Variants in KCNMA1 observed in about 807,000 individuals in gnomAD.
KCNMA1 encodes potassium calcium-activated channel subfamily M alpha 1.
A neutral mutation model predicts 140.0 loss-of-function variants in KCNMA1; 29 were observed. That is an observed-to-expected ratio of 0.21 (90% confidence interval 0.15 to 0.28). The LOEUF (loss-of-function observed/expected upper bound fraction) is 0.28. KCNMA1 is among the 10% of genes least tolerant of loss of function. The probability of loss-of-function intolerance (pLI) is 1.00; values close to 1 mark genes in which losing one functional copy is unlikely to be tolerated. For synonymous variants in KCNMA1, 612 were observed against 611.9 expected (o/e 1.00, Z 0.00); for missense variants, 880 against 1,602.2 (o/e 0.55, Z 7.70).
intron 2 of KCNMA1, among the ~76,000 whole-genome samples, chr10:77,275,175 T>C (rs1365921660): frequency 2.6e-5 from 4 of 152,190 alleles, no homozygotes; most frequent in Admixed American, 6.5e-5. Flanking sequence ...AGAGAGCCTA[T>C]ACCAACTGAA....
chr10:77,134,997 C>CAAAA (rs71028253), intron 5 of KCNMA1, among the ~76,000 whole-genome samples: 118 of 11,764 alleles, frequency 0.01, 35 homozygotes, highest in Non-Finnish European at 0.015. Flanking sequence ...GACTCTGTCT[C>CAAAA]AAAAAAAAAA....
At chr10:77,591,316 T>C (rs1238718661) in intron 1 of KCNMA1, among the ~76,000 whole-genome samples, 2 of 152,176 alleles carry the variant, frequency 1.3e-5, no homozygotes, top group Non-Finnish European at 2.9e-5. Context: ...CAGCTGTGTA[T>C]AGATTCAAGC....
At chr10:77,594,472 C>T (rs928611147) in intron 1 of KCNMA1, among the ~76,000 whole-genome samples, 4 of 152,160 alleles carry the variant, frequency 2.6e-5, no homozygotes, top group African/African-American at 4.8e-5. Flanking sequence ...GTTCAAACCC[C>T]GTCTCCCTAC....
chr10:77,544,357 C>A (rs2060921064), intron 1 of KCNMA1, among the ~76,000 whole-genome samples: 1 of 152,104 alleles, frequency 6.6e-6, no homozygotes, highest in Admixed American at 6.6e-5. Context: ...AGGGTCACAG[C>A]TAAACTTGAA....
At chr10:76,889,624 A>C in intron 26 of KCNMA1, 55 bp from the exon 27 acceptor site, 3 of 1,385,304 alleles carry the variant, frequency 2.2e-6, no homozygotes, top group Non-Finnish European at 3.1e-6. Context: ...CCTGAAAATC[A>C]AGGGACAGCA....
At chr10:77,366,618 CTGA>C (rs747155500) in intron 2 of KCNMA1, among the ~76,000 whole-genome samples, 40 of 152,250 alleles carry the variant, frequency 2.6e-4, no homozygotes, top group Non-Finnish European at 4.9e-4. Context: ...AGCAATGTTG[CTGA>C]TGTTCCATAG....
chr10:77,126,771 A>G (rs2097751216), intron 5 of KCNMA1, among the ~76,000 whole-genome samples: 1 of 134,676 alleles, frequency 7.4e-6, no homozygotes, highest in Non-Finnish European at 1.6e-5. Flanking sequence ...TGTAGGGACA[A>G]AGGTCAGCTG....
intron 1 of KCNMA1, among the ~76,000 whole-genome samples, chr10:77,445,977 A>G (rs1435864776): frequency 6.6e-6 from 1 of 152,208 alleles, no homozygotes; most frequent in African/African-American, 2.4e-5. Context: ...AGAGAGATAA[A>G]CACAAGAGGC....
chr10:77,191,553 G>A (rs1751415482), intron 3 of KCNMA1, among the ~76,000 whole-genome samples: 1 of 152,094 alleles, frequency 6.6e-6, no homozygotes, highest in Non-Finnish European at 1.5e-5. Context: ...GGGCATGTGT[G>A]TTCAATAAGT....
At chr10:77,088,428 TTTTTGTTTTG>T (rs10638689) in intron 10 of KCNMA1, among the ~76,000 whole-genome samples, 48 of 150,904 alleles carry the variant, frequency 3.2e-4, no homozygotes, top group East Asian at 1.4e-3. Flanking sequence ...GAGCAGCCAG[TTTTTGTTTTG>T]TTTTGTTTTG....
At chr10:77,139,043 C>T (rs1233968609) in intron 5 of KCNMA1, among the ~76,000 whole-genome samples, 1 of 152,216 alleles carries the variant, frequency 6.6e-6, no homozygotes, top group East Asian at 1.9e-4. Flanking sequence ...GCAGGTGTCT[C>T]ACTCACTGGC....
At chr10:77,282,960 C>T (rs980024115) in intron 2 of KCNMA1, among the ~76,000 whole-genome samples, 1 of 152,260 alleles carries the variant, frequency 6.6e-6, no homozygotes, top group Non-Finnish European at 1.5e-5. Flanking sequence ...GAATATGTTC[C>T]TGCCTCTGGC....
intron 2 of KCNMA1, among the ~76,000 whole-genome samples, chr10:77,312,581 G>A (rs555393891): frequency 1.1e-4 from 17 of 152,302 alleles, no homozygotes; most frequent in East Asian, 5.8e-4. Flanking sequence ...AGCTGAAATC[G>A]TGACACTGCA....
At chr10:77,480,918 T>C (rs2098381741) in intron 1 of KCNMA1, among the ~76,000 whole-genome samples, 1 of 148,480 alleles carries the variant, frequency 6.7e-6, no homozygotes, top group African/African-American at 2.5e-5. Context: ...GAGACCAGCC[T>C]GGCCAACATG....
At chr10:77,234,671 T>C (rs1478525007) in intron 3 of KCNMA1, among the ~76,000 whole-genome samples, 1 of 152,224 alleles carries the variant, frequency 6.6e-6, no homozygotes, top group East Asian at 1.9e-4. Flanking sequence ...TATTAAGTGC[T>C]TGATGCACAG....
intron 14 of KCNMA1, among the ~76,000 whole-genome samples, chr10:77,041,683 C>A (rs1012226666): frequency 6.6e-6 from 1 of 152,192 alleles, no homozygotes; most frequent in Non-Finnish European, 1.5e-5. Flanking sequence ...ATCTCACAGG[C>A]CTCCCTGAGG....
chr10:77,380,965 T>C (rs2095362647), intron 2 of KCNMA1, among the ~76,000 whole-genome samples: 1 of 152,218 alleles, frequency 6.6e-6, no homozygotes, highest in African/African-American at 2.4e-5. Flanking sequence ...ATTTACAGCT[T>C]AGCCCTGGGC....
chr10:77,554,431 C>T (rs960362696), intron 1 of KCNMA1, among the ~76,000 whole-genome samples: 7 of 150,874 alleles, frequency 4.6e-5, no homozygotes, highest in South Asian at 4.2e-4. Context: ...AACCTCCTCT[C>T]TACTAAAATA....
chr10:77,342,894 A>G (rs1158831948), intron 2 of KCNMA1, among the ~76,000 whole-genome samples: 1 of 152,142 alleles, frequency 6.6e-6, no homozygotes, highest in East Asian at 1.9e-4. Flanking sequence ...GGTTTTTAAT[A>G]ACATTATGGA....
Sources: gnomAD v4.1 joint callset for allele counts (sites outside exome capture counted in the v4.1 genomes callset) on GRCh38, gnomAD v4.1.1 for gene constraint, MANE v1.5 for transcripts, NCBI Gene and HGNC (gene_info 2026-07-23, HGNC 2026-07-21) for gene names.